Variants in ATE1 observed in about 807,000 individuals in gnomAD.
The protein encoded by ATE1 is arginyl-tRNA--protein transferase 1.
ATE1 carries 36 observed loss-of-function variants against 70.5 expected under a neutral mutation model. The ratio of observed to expected loss-of-function variants is 0.51; its 90% CI spans 0.39 to 0.67. ATE1 has a LOEUF of 0.67. Among genes scored for constraint, ATE1 ranks in the 30% least tolerant of loss-of-function variants. The probability of loss-of-function intolerance (pLI) is 0.00; values close to 1 mark genes in which losing one functional copy is unlikely to be tolerated. For synonymous variants in ATE1, 232 were observed against 219.3 expected, an observed-to-expected ratio of 1.06 and a Z score of -0.51; for missense variants, 593 against 629.5, an observed-to-expected ratio of 0.94 and a Z score of 0.62.
intron 11 of ATE1, among the ~76,000 whole-genome samples, chr10:121,775,012 G>A (rs1047647400): frequency 6.6e-6 from 1 of 152,132 alleles, no homozygotes; most frequent in African/African-American, 2.4e-5. Context: ...CACATGTGGA[G>A]AAACCAGACA....
chr10:121,885,119 G>A (rs971325432), intron 7 of ATE1, among the ~76,000 whole-genome samples: 2 of 152,054 alleles, frequency 1.3e-5, no homozygotes, highest in East Asian at 1.9e-4. Context: ...AAATCAGCCA[G>A]GTGTGGTGGC....
intron 11 of ATE1, among the ~76,000 whole-genome samples, chr10:121,789,948 A>G (rs1946367590): frequency 1.0e-4 from 1 of 9,666 alleles, no homozygotes; most frequent in Non-Finnish European, 2.9e-3. Context: ...CTAGGTCAGT[A>G]AGTGCACGAG....
At chr10:121,802,455 C>A (rs1477344102) in intron 10 of ATE1, among the ~76,000 whole-genome samples, 1 of 151,710 alleles carries the variant, frequency 6.6e-6, no homozygotes, top group Non-Finnish European at 1.5e-5. Context: ...ATTACAGGCG[C>A]CCACCACCAC....
At chr10:121,918,631 AGACAAAT>A (rs1453456949) in intron 3 of ATE1, among the ~76,000 whole-genome samples, 1 of 152,212 alleles carries the variant, frequency 6.6e-6, no homozygotes, top group Non-Finnish European at 1.5e-5. Context: ...TGCTAATTGA[AGACAAAT>A]GACTTCTGCC....
rs767429642 is a variant in ATE1 at position 121,841,257 on chromosome 10, T to C, written c.982A>G (p.Thr328Ala). 2.0e-6 allele frequency: 3 copies of C among 1,488,300 alleles called. No individual in the cohort carries two copies. The highest frequency in any genetic ancestry group is 2.8e-5 in the African/African-American group (2 of 71,660). 92.2% of individuals were successfully genotyped at this position (1,488,300 alleles called of 1,614,324 possible). A position where few individuals can be genotyped will look rare whatever the true frequency, so the allele number is the denominator to read the frequency against. Residue 328 changes from threonine to alanine, a missense_variant, in exon 9 of 12, where the codon ACT becomes GCT. Physicochemically the swap from Thr to Ala is moderately conservative, Grantham distance 58. This residue lies in a region of ATE1 where 467 missense variants were observed against 469.6 expected (regional missense o/e 0.99). Transcript: ENST00000224652. The stretch of plus-strand genomic sequence containing the variant: ...CCACAATCTGGCCCATTAGGGGGAG[T>C]CTCTGCCTAAGAAAAAGCAGAGGCA... The part of the protein sequence containing the change: ...FLCSSPLEAE[T>A]PPNGPDCGYG...
At chr10:121,807,408 T>C (rs1427127790) in intron 10 of ATE1, among the ~76,000 whole-genome samples, 1 of 138,252 alleles carries the variant, frequency 7.2e-6, no homozygotes, top group Non-Finnish European at 1.6e-5. Flanking sequence ...CTTCATAGAG[T>C]ATAAGTTTCA....
At position 121,836,767 on chromosome 10, in the gene ATE1, T is replaced by A; in HGVS notation, c.1208A>T (p.Tyr403Phe). 6.2e-7 allele frequency: 1 copy of A among 1,602,764 alleles called. No homozygotes were observed. Among genetic ancestry groups the A allele is most frequent in the Non-Finnish European group, 8.5e-7 (1 of 1,175,732 alleles). The change falls in exon 10 of 12, where the codon TAT (tyrosine) becomes TTT (phenylalanine). Residue 403 changes from tyrosine to phenylalanine, a missense_variant. Physicochemically the swap from Tyr to Phe is conservative, Grantham distance 22. Coordinates refer to ENST00000224652, the MANE Select transcript of ATE1 (RefSeq NM_001001976.3). ...QLHEKTSQLS[Y>F]YYMGFYIHSC... ...ATGAATGTAGAAACCCATATAATAATAGCTGAGTTGAGAAGTTTTCTCATG... is the reference window on the plus strand; with the variant it reads ...ATGAATGTAGAAACCCATATAATAAAAGCTGAGTTGAGAAGTTTTCTCATG...
chr10:121,928,400 C>T (rs984701159), upstream of ATE1: 8 of 1,530,418 alleles, frequency 5.2e-6, no homozygotes, highest in African/African-American at 4.3e-5. Context: ...GTAGCCGGCC[C>T]TGAGGCCCTT....
chr10:121,777,927 A>T (rs939871294), intron 11 of ATE1, among the ~76,000 whole-genome samples: 5 of 152,254 alleles, frequency 3.3e-5, no homozygotes, highest in Non-Finnish European at 7.3e-5. Context: ...AAACGCAAAC[A>T]TTATTCAAAA....
chr10:121,844,605 T>C (rs892107539), intron 8 of ATE1, among the ~76,000 whole-genome samples: 10 of 152,300 alleles, frequency 6.6e-5, no homozygotes, highest in Admixed American at 2.0e-4. Flanking sequence ...TGAAAACTTA[T>C]GTCACACAAA....
intron 7 of ATE1, among the ~76,000 whole-genome samples, chr10:121,874,833 G>A (rs529360334): frequency 1.3e-3 from 194 of 144,942 alleles, no homozygotes; most frequent in Middle Eastern, 3.6e-3. Flanking sequence ...GTGAAACCCC[G>A]TCTCTACTAA....
chr10:121,885,626 C>T (rs1229909550), intron 7 of ATE1, among the ~76,000 whole-genome samples: 1 of 149,488 alleles, frequency 6.7e-6, no homozygotes, highest in Non-Finnish European at 1.5e-5. Flanking sequence ...GGTGCAGGGG[C>T]TCACACCTGG....
At chr10:121,841,868 A>G (rs1157674231) in intron 8 of ATE1, among the ~76,000 whole-genome samples, 2 of 152,234 alleles carry the variant, frequency 1.3e-5, no homozygotes, top group African/African-American at 4.8e-5. Context: ...CCACTAAAGG[A>G]CTTACCCAAA....
chr10:121,745,148 C>G (rs1944297977), intron 11 of ATE1, among the ~76,000 whole-genome samples: 2 of 152,130 alleles, frequency 1.3e-5, no homozygotes, highest in Non-Finnish European at 1.5e-5. Context: ...CCAATATTAC[C>G]TTAGGTTTCT....
chr10:121,819,299 A>G (rs1947687644), intron 10 of ATE1, among the ~76,000 whole-genome samples: 1 of 152,204 alleles, frequency 6.6e-6, no homozygotes, highest in Admixed American at 6.5e-5. Flanking sequence ...AGCTATAAAG[A>G]TAACGCATAC....
At chr10:121,920,178 C>T (rs544464422) in intron 3 of ATE1, among the ~76,000 whole-genome samples, 1 of 152,098 alleles carries the variant, frequency 6.6e-6, no homozygotes, top group East Asian at 1.9e-4. Flanking sequence ...ACGCACTTTT[C>T]ACATTTTCTA....
chr10:121,840,260 T>C (rs183826016), intron 9 of ATE1, among the ~76,000 whole-genome samples: 30 of 152,344 alleles, frequency 2.0e-4, no homozygotes, highest in Admixed American at 5.9e-4. Context: ...GTCTGTTCTG[T>C]ATACATGTAT....
chr10:121,868,814 C>T (rs374835237), intron 8 of ATE1, among the ~76,000 whole-genome samples: 2 of 152,182 alleles, frequency 1.3e-5, no homozygotes, highest in African/African-American at 2.4e-5. Flanking sequence ...CTGGTCTGGT[C>T]CATTTCTCCT....
intron 10 of ATE1, among the ~76,000 whole-genome samples, chr10:121,832,854 T>C (rs142257862): frequency 1.8e-4 from 27 of 152,326 alleles, no homozygotes; most frequent in Non-Finnish European, 3.1e-4. Flanking sequence ...TATTCAGTAA[T>C]ATATGCCTTT....
Sources: gnomAD v4.1 joint callset for allele counts (sites outside exome capture counted in the v4.1 genomes callset) on GRCh38, gnomAD v4.1.1 for gene constraint, gnomAD v4.1.1 regional missense constraint, MANE v1.5 for transcripts, NCBI Gene and HGNC (gene_info 2026-07-23, HGNC 2026-07-21) for gene names.